CXorf66: variants seen among roughly 807,000 people sequenced by gnomAD.
CXorf66 encodes uncharacterized protein CXorf66.
A neutral mutation model predicts 5.0 loss-of-function variants in CXorf66; 6 were observed. The observed-to-expected ratio is 1.20, with a 90% CI of 0.65 to 2.36. The LOEUF (loss-of-function observed/expected upper bound fraction) is 2.36, where lower values mean the gene tolerates loss of function less well. CXorf66 is among the 30% of genes most tolerant of loss of function. The pLI, the probability that CXorf66 is intolerant of heterozygous loss-of-function variation, is 0.00. For missense variants in CXorf66, 270 were observed against 254.9 expected (o/e 1.06, Z -0.40); for synonymous variants, 98 against 102.8 (o/e 0.95, Z 0.28).
chrX:139,956,815 T>G, intron 2 of CXorf66, 76 bp from the exon 3 acceptor site: 1 of 977,966 alleles, frequency 1.0e-6, no homozygotes, highest in Non-Finnish European at 1.4e-6. Context: ...GAACGTATGG[T>G]ACTGCTTAGA....
chrX:139,961,405 A>G (rs1410243729), intron 1 of CXorf66, among the ~76,000 whole-genome samples: 2 of 112,135 alleles, frequency 1.8e-5, no homozygotes, highest in African/African-American at 3.2e-5. Flanking sequence ...TATGCACCCA[A>G]TACAGGAGCA....
rs868819771 is a variant in CXorf66, at chrX:139,958,086, C to T, written c.220G>A (p.Asp74Asn). The T allele has an allele frequency of 1.9e-5, 23 of 1,200,065 alleles. No homozygotes were observed. Among genetic ancestry groups the T allele is most frequent in the Non-Finnish European group, 2.0e-5 (18 of 891,787 alleles). The change falls in exon 2 of 3, where the codon GAT (aspartate) becomes AAT (asparagine). Residue 74 changes from aspartate (D) to asparagine (N), a missense_variant. Coordinates refer to ENST00000370540, the MANE Select transcript of CXorf66 (RefSeq NM_001013403.3). ...TACATTCCTGCTTTGGACGCATCAT[C>T]GCTCAGACAATTATAATGGAGATAA... ...FCYLHYNCLS[D>N]DASKAGMVKK...
At chrX:139,962,875 C>T (rs1285819763) in intron 1 of CXorf66, among the ~76,000 whole-genome samples, 3 of 111,909 alleles carry the variant, frequency 2.7e-5, no homozygotes, top group African/African-American at 9.7e-5. Context: ...TTCAACACCC[C>T]TTCATGCTAA....
At chrX:139,958,270 C>T (rs2085581317) in intron 1 of CXorf66, 53 bp from the exon 2 acceptor site, 2 of 916,037 alleles carry the variant, frequency 2.2e-6, no homozygotes, top group Non-Finnish European at 3.0e-6. Context: ...AGTTTTTTTC[C>T]ACATTGATAG....
Position 139,958,212 on chromosome X carries a change from T to C in CXorf66, c.94A>G (p.Lys32Glu). ...QTNGSSTTGD[K>E]PVESMQTKLN... ...TTTGTCTGCATTGATTCAACAGGTT[T>C]ATCTCCTGCAAAGAGATTGTATAAT... Residue 32 changes from lysine to glutamate, a missense_variant, in exon 2 of 3, where the codon AAA becomes GAA. Transcript: ENST00000370540. 8.5e-7 allele frequency: 1 copy of C among 1,174,193 alleles called. No individual in the cohort carries two copies. The highest frequency in any genetic ancestry group is 1.1e-6 in the Non-Finnish European group (1 of 878,659).
At chrX:139,960,982 A>G (rs946631180) in intron 1 of CXorf66, among the ~76,000 whole-genome samples, 1 of 111,914 alleles carries the variant, frequency 8.9e-6, no homozygotes, top group Non-Finnish European at 1.9e-5. Context: ...AAACACACCA[A>G]AATATAAAGA....
chrX:139,959,899 A>C (rs183774875), intron 1 of CXorf66, among the ~76,000 whole-genome samples: 2 of 112,081 alleles, frequency 1.8e-5, no homozygotes, highest in Non-Finnish European at 3.8e-5. Context: ...AAGGACCCCC[A>C]CACAAAAACC....
intron 2 of CXorf66, among the ~76,000 whole-genome samples, chrX:139,957,004 A>G (rs2085576451): frequency 9.0e-6 from 1 of 110,581 alleles, no homozygotes; most frequent in Non-Finnish European, 1.9e-5. Flanking sequence ...CATCTCTACT[A>G]AAAATACAAA....
Position 139,955,980 on chromosome X carries a change from AC to A in CXorf66, c.1001del (p.Ser334MetfsTer9), listed in dbSNP as rs1307462074. On this transcript the variant is annotated frameshift_variant, in exon 3 of 3. Transcript: ENST00000370540. LOFTEE classifies it low-confidence loss of function (END_TRUNC). ...TTATAACTTTATCACTGTCAACCTC[AC>A]TATAATATTTCATCGTATCACTGTC... ...VNDSDTMKYY[S>X]EVDSDKVIII... 1 of 1,207,501 alleles carries A rather than the reference AC, an allele frequency of 8.3e-7. No individual in the cohort carries two copies. Among genetic ancestry groups the A allele is most frequent in the African/African-American group, 1.8e-5 (1 of 57,057 alleles).
chrX:139,957,354 AACACAC>A (rs772606751), intron 2 of CXorf66, among the ~76,000 whole-genome samples: 1,682 of 108,025 alleles, frequency 0.016, 16 homozygotes, highest in Non-Finnish European at 0.023. Context: ...AAAAGAGAGA[AACACAC>A]ACACACACAC....
intron 1 of CXorf66, among the ~76,000 whole-genome samples, chrX:139,961,667 G>A (rs749143922): frequency 5.3e-4 from 59 of 111,832 alleles, no homozygotes; most frequent in African/African-American, 1.8e-3. Flanking sequence ...CCACGTGATT[G>A]GAAGTAAAAC....
chrX:139,960,644 G>T (rs762642882), intron 1 of CXorf66, among the ~76,000 whole-genome samples: 1 of 111,105 alleles, frequency 9.0e-6, no homozygotes, highest in South Asian at 3.8e-4. Flanking sequence ...CTCCAAGGTT[G>T]AAACGAAGGA....
At chrX:139,959,592 C>T (rs2085586171) in intron 1 of CXorf66, among the ~76,000 whole-genome samples, 2 of 112,439 alleles carry the variant, frequency 1.8e-5, no homozygotes, top group South Asian at 7.3e-4. Context: ...AGACTGCCTC[C>T]TCAAGTGGGT....
intron 1 of CXorf66, among the ~76,000 whole-genome samples, chrX:139,959,281 C>G (rs1050155440): frequency 1.8e-4 from 20 of 111,745 alleles, no homozygotes; most frequent in Non-Finnish European, 3.0e-4. Context: ...TTCCCCCTGA[C>G]AGTGCTAAGG....
intron 1 of CXorf66, among the ~76,000 whole-genome samples, chrX:139,961,135 C>A (rs765082997): frequency 1.8e-5 from 2 of 111,563 alleles, no homozygotes; most frequent in Non-Finnish European, 3.8e-5. Flanking sequence ...CATAGACTGG[C>A]AAATTGGATA....
intron 2 of CXorf66, among the ~76,000 whole-genome samples, chrX:139,957,566 A>G (rs977529534): frequency 1.8e-4 from 20 of 112,202 alleles, no homozygotes; most frequent in African/African-American, 6.1e-4. Context: ...AAAGGAATAC[A>G]GTACTGGTAC....
At chrX:139,963,792 G>A (rs1228426008) in intron 1 of CXorf66, among the ~76,000 whole-genome samples, 1 of 110,511 alleles carries the variant, frequency 9.0e-6, no homozygotes, top group African/African-American at 3.3e-5. Context: ...TGACAAACCT[G>A]ACAAAAACAA....
intron 1 of CXorf66, among the ~76,000 whole-genome samples, chrX:139,963,381 A>T (rs897004059): frequency 2.7e-5 from 3 of 111,677 alleles, no homozygotes; most frequent in Admixed American, 9.6e-5. Context: ...CTTCAAGGAG[A>T]ACTACAAACC....
chrX:139,957,154 G>A (rs1222232573), intron 2 of CXorf66, among the ~76,000 whole-genome samples: 1 of 111,618 alleles, frequency 9.0e-6, no homozygotes, highest in Admixed American at 9.6e-5. Context: ...GTGACAAAGT[G>A]AGACTCTGTC....
Sources: gnomAD v4.1 joint callset for allele counts (sites outside exome capture counted in the v4.1 genomes callset) on GRCh38, gnomAD v4.1.1 for gene constraint, MANE v1.5 for transcripts, NCBI Gene and HGNC (gene_info 2026-07-23, HGNC 2026-07-21) for gene names.